The following COL4A5 variants were observed in gnomAD, a reference collection of about 807,000 sequenced individuals.
The protein encoded by COL4A5 is collagen alpha-5(IV) chain.
In COL4A5, 26 loss-of-function variants were observed where a neutral mutation model predicts 130.2. That is an observed-to-expected ratio of 0.20 (90% confidence interval 0.15 to 0.28). The LOEUF (loss-of-function observed/expected upper bound fraction) is 0.28. Among genes scored for constraint, COL4A5 ranks in the 10% least tolerant of loss-of-function variants. The pLI is 1.00. For synonymous variants in COL4A5, 496 were observed against 439.6 expected (o/e 1.13, Z -1.60); for missense variants, 1,131 against 1,344.3 (o/e 0.84, Z 2.48).
At chrX:108,695,192 GCA>G (rs1374087728) in intron 51 of COL4A5, 73 bp from the exon 52 acceptor site, 2 of 1,165,483 alleles carry the variant, frequency 1.7e-6, no homozygotes, top group African/African-American at 3.6e-5. Context: ...GCCAAGCTCA[GCA>G]CACATCTTTG....
chrX:108,633,114 T>A (rs1165058424), intron 36 of COL4A5, among the ~76,000 whole-genome samples: 2 of 111,707 alleles, frequency 1.8e-5, no homozygotes, highest in Middle Eastern at 4.2e-3. Flanking sequence ...CTTAAGCTGA[T>A]AAGTAACTTC....
At chrX:108,457,607 C>T (rs948072691) in intron 1 of COL4A5, among the ~76,000 whole-genome samples, 11 of 111,011 alleles carry the variant, frequency 9.9e-5, no homozygotes, top group Non-Finnish European at 1.9e-4. Context: ...GAGTAAAATT[C>T]GCTATCTTTG....
intron 36 of COL4A5, among the ~76,000 whole-genome samples, chrX:108,636,320 T>C (rs2067354195): frequency 1.8e-5 from 2 of 111,012 alleles, no homozygotes; most frequent in African/African-American, 6.6e-5. Context: ...GGTAATGGTT[T>C]CTTAGCTATG....
intron 1 of COL4A5, among the ~76,000 whole-genome samples, chrX:108,495,978 G>T (rs906529913): frequency 5.3e-5 from 6 of 112,358 alleles, no homozygotes; most frequent in Non-Finnish European, 9.4e-5. Context: ...CAACTCTCTG[G>T]TGGGAGGTTG....
chrX:108,491,521 A>G (rs1372225914), intron 1 of COL4A5, among the ~76,000 whole-genome samples: 1 of 111,830 alleles, frequency 8.9e-6, no homozygotes, highest in African/African-American at 3.2e-5. Context: ...TAAACTGGCA[A>G]ATACTCTCAG....
chrX:108,570,003 T>C (rs1603279455), intron 6 of COL4A5, among the ~76,000 whole-genome samples: 1 of 111,533 alleles, frequency 9.0e-6, no homozygotes, highest in Non-Finnish European at 1.9e-5. Context: ...TAATGGCATA[T>C]GTCAGATTTT....
At chrX:108,495,829 T>A (rs911616119) in intron 1 of COL4A5, among the ~76,000 whole-genome samples, 1 of 112,187 alleles carries the variant, frequency 8.9e-6, no homozygotes. Context: ...ATGGAAATTA[T>A]GCATGGGTTC....
chrX:108,629,953 C>T (rs1338352422), intron 36 of COL4A5, among the ~76,000 whole-genome samples: 1 of 111,381 alleles, frequency 9.0e-6, no homozygotes, highest in Non-Finnish European at 1.9e-5. Context: ...ATGATGGTTT[C>T]CAGCTTCATC....
intron 1 of COL4A5, among the ~76,000 whole-genome samples, chrX:108,515,391 A>G (rs2065211786): frequency 8.9e-6 from 1 of 111,982 alleles, no homozygotes; most frequent in African/African-American, 3.2e-5. Flanking sequence ...GCAAATTGCC[A>G]GGTTGTTGCT....
intron 3 of COL4A5, among the ~76,000 whole-genome samples, chrX:108,561,131 G>T (rs1012106457): frequency 8.9e-6 from 1 of 111,840 alleles, no homozygotes; most frequent in Non-Finnish European, 1.9e-5. Context: ...ACGTCCATTC[G>T]TAATATTCAG....
chrX:108,695,954 G>T, intron 52 of COL4A5: 1 of 230,897 alleles, frequency 4.3e-6, no homozygotes, highest in South Asian at 7.2e-5. Flanking sequence ...TTTTCTTATG[G>T]TCCTTGTTAT....
At chrX:108,625,257 T>C (rs762346364) in intron 34 of COL4A5, among the ~76,000 whole-genome samples, 1 of 111,758 alleles carries the variant, frequency 8.9e-6, no homozygotes, top group Admixed American at 9.5e-5. Context: ...TGGCCTAATG[T>C]ACTAAACTAT....
chrX:108,668,800 A>T (rs1165045898), intron 41 of COL4A5, among the ~76,000 whole-genome samples: 1 of 111,893 alleles, frequency 8.9e-6, no homozygotes, highest in Non-Finnish European at 1.9e-5. Context: ...TAGTCTTGTT[A>T]CTAAAAGGTA....
intron 36 of COL4A5, among the ~76,000 whole-genome samples, chrX:108,655,111 C>T (rs780898470): frequency 1.8e-5 from 2 of 111,819 alleles, no homozygotes; most frequent in Non-Finnish European, 3.8e-5. Context: ...CTTACAAAAA[C>T]CTTAGGCACT....
chrX:108,572,228 G>A (rs1355402288), intron 8 of COL4A5, among the ~76,000 whole-genome samples: 1 of 111,238 alleles, frequency 9.0e-6, no homozygotes, highest in Non-Finnish European at 1.9e-5. Context: ...ATTATTTTAT[G>A]TCCATCAAGC....
intron 1 of COL4A5, among the ~76,000 whole-genome samples, chrX:108,448,688 AT>A (rs976978180): frequency 2.7e-5 from 3 of 112,201 alleles, no homozygotes; most frequent in African/African-American, 9.7e-5. Flanking sequence ...TTTATATTAG[AT>A]AGGTTGTTTT....
At chrX:108,571,658 A>G (rs1174897744) in intron 7 of COL4A5, among the ~76,000 whole-genome samples, 153 bp from the exon 8 acceptor site, 5 of 111,885 alleles carry the variant, frequency 4.5e-5, no homozygotes, top group Non-Finnish European at 7.5e-5. Flanking sequence ...TTGTATGTAT[A>G]TAAATGTCAC....
intron 1 of COL4A5, among the ~76,000 whole-genome samples, chrX:108,528,794 G>A (rs956059364): frequency 2.7e-5 from 3 of 112,256 alleles, no homozygotes; most frequent in Non-Finnish European, 3.8e-5. Flanking sequence ...AAAAGAATGA[G>A]CGAAGCTTTG....
rs1285783635 is a variant in COL4A5 at position 108,694,872 on chromosome X, A to G, written c.4772A>G (p.His1591Arg). ...AVHSQTIQIP[H>R]CPQGWDSLWI... is the part of the protein sequence containing the mutation. The stretch of plus-strand genomic sequence containing the variant: ...CACAGTCAGACGATCCAGATTCCCC[A>G]TTGTCCTCAGGGATGGGATTCTCTG... The change falls in exon 51 of 53, where the codon CAT (histidine) becomes CGT (arginine). Residue 1591 changes from histidine (H) to arginine (R), a missense_variant. Transcript: ENST00000328300. 1.4e-5 allele frequency: 17 copies of G among 1,209,061 alleles called. No individual in the cohort carries two copies. Among genetic ancestry groups the G allele is most frequent in the Non-Finnish European group, 1.9e-5 (17 of 893,699 alleles).
Sources: allele counts gnomAD v4.1 joint callset (sites outside exome capture counted in the v4.1 genomes callset), GRCh38; gene constraint gnomAD v4.1.1; transcripts MANE v1.5; gene names NCBI Gene and HGNC (gene_info 2026-07-23, HGNC 2026-07-21).